The following FAM227A variants were observed in gnomAD, a reference collection of about 807,000 sequenced individuals.
The protein encoded by FAM227A is family with sequence similarity 227 member A.
In FAM227A, 80 loss-of-function variants were observed where a neutral mutation model predicts 74.7. That is an observed-to-expected ratio of 1.07 (90% confidence interval 0.89 to 1.29). The LOEUF (loss-of-function observed/expected upper bound fraction) is 1.29, where lower values mean the gene tolerates loss of function less well. Ranked by LOEUF, FAM227A falls within the 50% of genes most tolerant of loss-of-function variation. The probability of loss-of-function intolerance (pLI) is 0.00; values close to 1 mark genes in which losing one functional copy is unlikely to be tolerated. For synonymous variants in FAM227A, 237 were observed against 241.8 expected, an observed-to-expected ratio of 0.98 and a Z score of 0.19; for missense variants, 654 against 683.4, an observed-to-expected ratio of 0.96 and a Z score of 0.48.
chr22:38,607,871 T>G (rs747465230), intron 11 of FAM227A, among the ~76,000 whole-genome samples: 7 of 152,148 alleles, frequency 4.6e-5, no homozygotes, highest in Admixed American at 2.6e-4. Flanking sequence ...CTTTATGCAA[T>G]CACCTTTTTC....
In FAM227A at chr22:38,583,258, C is replaced by T. The variant is rs901695450; in HGVS notation, c.*2867G>A. 3 of 210,840 alleles carry T rather than the reference C, an allele frequency of 1.4e-5. No homozygotes were observed. Among genetic ancestry groups the T allele is most frequent in the Non-Finnish European group, 2.9e-5 (3 of 104,116 alleles). The allele number at this position is 210,840 out of a possible 1,614,324, so 13.1% of individuals were successfully genotyped here. ...TGCAATCTCAGCTCACTGCATCCTC[C>T]ACCTCCCGGGTTCAAGTGATTCTCC... On this transcript the variant is annotated 3_prime_UTR_variant, in exon 17 of 17. Coordinates refer to ENST00000535113, the MANE Select transcript of FAM227A (RefSeq NM_001013647.2).
chr22:38,626,585 C>T (rs2091805133), intron 8 of FAM227A, among the ~76,000 whole-genome samples: 1 of 151,292 alleles, frequency 6.6e-6, no homozygotes, highest in African/African-American at 2.4e-5. Flanking sequence ...AAAATGGGGC[C>T]GGGTGCGGTG....
At chr22:38,586,226 C>T (rs1569183013) in intron 16 of FAM227A, 27 bp from the exon 17 acceptor site, 1 of 1,547,048 alleles carries the variant, frequency 6.5e-7, no homozygotes. Context: ...CGAACAAAAA[C>T]AAAAATTAAT....
chr22:38,611,226 C>T (rs1406767742), intron 11 of FAM227A, among the ~76,000 whole-genome samples: 1 of 152,162 alleles, frequency 6.6e-6, no homozygotes, highest in Non-Finnish European at 1.5e-5. Flanking sequence ...AGTGTTCCAG[C>T]CCACCTGGCC....
rs1274608727 is a variant in FAM227A at position 38,597,240 on chromosome 22, T to C, written c.1496A>G (p.Asp499Gly). 13 of 1,552,114 alleles carry C rather than the reference T, an allele frequency of 8.4e-6. No individual in the cohort carries two copies. The Admixed American group carries it at 2.6e-4, about 30-fold the overall frequency. The change falls in exon 15 of 17, where the codon GAC (aspartate) becomes GGC (glycine). Residue 499 changes from aspartate (D) to glycine (G), a missense_variant. By Grantham distance (94) the Asp-to-Gly change is moderately conservative (BLOSUM62 -1). Transcript: ENST00000535113. Reference sequence around the variant, plus strand: ...GTCTTGCAGCTCCTTTAGATGCTTGTCAAAATAATTCCATTCAGTCCAATG... The same window carrying C: ...GTCTTGCAGCTCCTTTAGATGCTTGCCAAAATAATTCCATTCAGTCCAATG... ...QHHWTEWNYF[D>G]KHLKELQDNF...
chr22:38,634,482 C>T (rs1226634765), intron 6 of FAM227A, among the ~76,000 whole-genome samples: 1 of 152,200 alleles, frequency 6.6e-6, no homozygotes, highest in Admixed American at 6.5e-5. Flanking sequence ...ACTTTTAGCA[C>T]TGTGCTAGGC....
chr22:38,586,108 C>T lies in FAM227A; in HGVS notation c.*17G>A. ...CGGATTCTGTAGGCGCTTCCTGGTT[C>T]TAGGTTGTGGAGCTCCTCAGGGCTT... On this transcript the variant is annotated 3_prime_UTR_variant, in exon 17 of 17. Transcript: ENST00000535113. The T allele has an allele frequency of 6.4e-7, 1 of 1,552,030 alleles. No homozygotes were observed. The highest frequency in any genetic ancestry group is 1.4e-5 in the African/African-American group (1 of 73,150).
At chr22:38,599,623 A>ACC (rs1217260031) in intron 14 of FAM227A, 141 bp downstream of exon 14, 2 of 670,646 alleles carry the variant, frequency 3.0e-6, no homozygotes, top group Non-Finnish European at 4.5e-6. Flanking sequence ...TGAGGCTCGC[A>ACC]CCACTGGCCA....
At chr22:38,640,276 G>A (rs1213245387) in intron 3 of FAM227A, among the ~76,000 whole-genome samples, 2 of 152,032 alleles carry the variant, frequency 1.3e-5, no homozygotes, top group African/African-American at 4.8e-5. Context: ...CTCCTCATCT[G>A]CCCACCTCGG....
chr22:38,625,943 CAAAAAAA>C (rs141715277), intron 9 of FAM227A, among the ~76,000 whole-genome samples: 3 of 71,544 alleles, frequency 4.2e-5, no homozygotes, highest in African/African-American at 1.4e-4. Flanking sequence ...ACTCTATCTC[CAAAAAAA>C]AAAAAAAAAA....
intron 2 of FAM227A, among the ~76,000 whole-genome samples, chr22:38,647,821 A>C (rs778720369): frequency 1.1e-4 from 17 of 152,214 alleles, no homozygotes; most frequent in Non-Finnish European, 2.2e-4. Context: ...AAAAAGGAAG[A>C]TACCAAGAAG....
intron 1 of FAM227A, among the ~76,000 whole-genome samples, chr22:38,651,075 C>T (rs1388989650): frequency 1.3e-5 from 2 of 152,198 alleles, no homozygotes; most frequent in Admixed American, 1.3e-4. Flanking sequence ...ATGCATCTTA[C>T]ATGCCAGACC....
At position 38,583,064 on chromosome 22, in the gene FAM227A, A is replaced by T. The variant is rs968166291; in HGVS notation, c.*3061T>A. On this transcript the variant is annotated 3_prime_UTR_variant, in exon 17 of 17. Coordinates refer to ENST00000535113, the MANE Select transcript of FAM227A (RefSeq NM_001013647.2). The stretch of plus-strand genomic sequence containing the variant: ...GAGAAACTGCAAATGAAGAGTTGAC[A>T]GTGGCTGGGGTAGTAAAGGGAAGGT... 14 of 1,207,940 alleles carry T rather than the reference A, an allele frequency of 1.2e-5. No individual in the cohort carries two copies. The East Asian group carries it at 3.6e-4, about 31-fold the overall frequency. The allele number at this position is 1,207,940 out of a possible 1,614,324, so 74.8% of individuals were successfully genotyped here.
At position 38,629,034 on chromosome 22, in the gene FAM227A, C is replaced by CTGT; in HGVS notation, c.520-102_520-100dup. ...AGAATGAACAGAAAAACCACCTAAT[C>CTGT]TGTTAGTGAGGCCCTACCCAGGTAA... On this transcript the variant is annotated intron_variant, in intron 6 of 16. Coordinates refer to ENST00000535113, the MANE Select transcript of FAM227A (RefSeq NM_001013647.2). 5 of 713,526 alleles carry CTGT rather than the reference C, an allele frequency of 7.0e-6. No homozygotes were observed. The South Asian group carries it at 9.4e-5, about 13-fold the overall frequency. The allele number at this position is 713,526 out of a possible 1,614,324, so 44.2% of individuals were successfully genotyped here. A position where few individuals can be genotyped will look rare whatever the true frequency, so the allele number is the denominator to read the frequency against.
chr22:38,601,126 G>A (rs2091167438), intron 13 of FAM227A, among the ~76,000 whole-genome samples: 6 of 151,970 alleles, frequency 3.9e-5, no homozygotes, highest in Admixed American at 3.9e-4. Context: ...CAGCCCTTAT[G>A]GAGTTTACAT....
intron 10 of FAM227A, 121 bp from the exon 11 acceptor site, chr22:38,620,412 T>C (rs2091662802): frequency 1.4e-6 from 1 of 715,024 alleles, no homozygotes; most frequent in Admixed American, 2.4e-5. Flanking sequence ...CTAGGGTCTC[T>C]CTGTTGACTC....
chr22:38,650,238 T>A lies in FAM227A; in HGVS notation c.-70A>T, dbSNP rs2092305018. The A allele has an allele frequency of 6.8e-7, 1 of 1,469,858 alleles. No homozygotes were observed. Among genetic ancestry groups the A allele is most frequent in the African/African-American group, 1.4e-5 (1 of 71,300 alleles). 91.1% of individuals were successfully genotyped at this position (1,469,858 alleles called of 1,614,324 possible). A position where few individuals can be genotyped will look rare whatever the true frequency, so the allele number is the denominator to read the frequency against. On this transcript the variant is annotated 5_prime_UTR_variant, in exon 2 of 17. Transcript: ENST00000535113. Reference sequence around the variant, plus strand: ...AAGAGCCTCTCATTTCCCACTCCAATCTTGTCGTTTGTTTAATCAGCCTCC... The same window carrying A: ...AAGAGCCTCTCATTTCCCACTCCAAACTTGTCGTTTGTTTAATCAGCCTCC...
At chr22:38,646,472 T>C (rs939843600) in intron 2 of FAM227A, among the ~76,000 whole-genome samples, 1 of 150,378 alleles carries the variant, frequency 6.6e-6, no homozygotes, top group South Asian at 2.1e-4. Flanking sequence ...CCGTTTTAGC[T>C]GGGATGGTCT....
At chr22:38,590,875 C>T (rs1468738024) in intron 16 of FAM227A, among the ~76,000 whole-genome samples, 1 of 151,972 alleles carries the variant, frequency 6.6e-6, no homozygotes, top group Non-Finnish European at 1.5e-5. Context: ...ACCTCCAGCT[C>T]CCGGGTTCAA....
Sources: gnomAD v4.1 joint callset for allele counts (sites outside exome capture counted in the v4.1 genomes callset) on GRCh38, gnomAD v4.1.1 for gene constraint, MANE v1.5 for transcripts, NCBI Gene and HGNC (gene_info 2026-07-23, HGNC 2026-07-21) for gene names.